The following LINC00237 variants were observed in gnomAD, a reference collection of about 807,000 sequenced individuals.
The protein encoded by LINC00237 is long intergenic non-protein coding RNA 237.
chr20:21,094,686 G>C (rs1299209721), intron 1 of LINC00237, among the ~76,000 whole-genome samples: 1 of 152,184 alleles, frequency 6.6e-6, no homozygotes, highest in Non-Finnish European at 1.5e-5. Context: ...GTCCTAATTG[G>C]AGGCTGAAGT....
chr20:21,101,889 T>G lies in LINC00237; in HGVS notation n.88+4382A>C, dbSNP rs1325047533. 2.7e-5 allele frequency among the ~76,000 whole-genome samples: 4 copies of G among 149,160 alleles called. No homozygotes were observed. Among genetic ancestry groups the G allele is most frequent in the African/African-American group, 7.4e-5 (3 of 40,272 alleles). On this transcript the variant is annotated intron_variant and non_coding_transcript_variant, in intron 1 of 3. Coordinates refer to ENST00000691244, the Ensembl canonical transcript of LINC00237. The surrounding 1 kb of genome is among the most constrained non-coding windows in gnomAD (Gnocchi z 4.3). ...CACGCGGGGGTGGTTGGGGGCGGAG[T>G]GCGGCGAGGGGTGAGGGCGCGACCG... is the stretch of plus-strand genomic sequence containing the variant.
intron 1 of LINC00237, among the ~76,000 whole-genome samples, chr20:21,100,046 TA>T (rs1291076348): frequency 6.6e-6 from 1 of 152,256 alleles, no homozygotes; most frequent in Non-Finnish European, 1.5e-5. Flanking sequence ...GCCTATCAAT[TA>T]CCCCGCCCGC....
chr20:21,100,028 C>G (rs565418191), intron 1 of LINC00237, among the ~76,000 whole-genome samples: 1 of 152,310 alleles, frequency 6.6e-6, no homozygotes, highest in Admixed American at 6.5e-5. Flanking sequence ...ATTCTGACCT[C>G]CGATGGCGCC....
chr20:21,086,963 T>C (rs1237031155), intron 3 of LINC00237, among the ~76,000 whole-genome samples: 1 of 142,012 alleles, frequency 7.0e-6, no homozygotes, highest in Admixed American at 7.2e-5. Context: ...TACTATAGTA[T>C]ATATATACAC....
intron 3 of LINC00237, among the ~76,000 whole-genome samples, chr20:21,086,712 C>CT (rs2030709906): frequency 9.8e-5 from 1 of 10,212 alleles, no homozygotes; most frequent in African/African-American, 3.4e-4. Context: ...ACTATATATA[C>CT]ATATATACTA....
Position 21,086,996 on chromosome 20 carries a change from T to C in LINC00237, n.559+948A>G, listed in dbSNP as rs553701227. On this transcript the variant is annotated intron_variant and non_coding_transcript_variant, in intron 3 of 3. Transcript: ENST00000691244. ...CACTCTATATGTACTATAGTACATA[T>C]ATAGTACATATATAGTATATATGTA... Among the ~76,000 whole-genome samples the C allele has an allele frequency of 1.4e-3, 202 of 141,056 alleles. 1 individual carries two copies. Among genetic ancestry groups the C allele is most frequent in the African/African-American group, 5.3e-3 (194 of 36,912 alleles). The allele number at this position is 141,056 out of a possible 152,430, so 92.5% of individuals were successfully genotyped here.
intron 3 of LINC00237, among the ~76,000 whole-genome samples, chr20:21,086,476 T>C (rs915044560): frequency 6.7e-6 from 1 of 149,766 alleles, no homozygotes; most frequent in African/African-American, 2.5e-5. Flanking sequence ...TATATACGTA[T>C]AGATATGTAT....
intron 2 of LINC00237, among the ~76,000 whole-genome samples, chr20:21,088,617 A>C (rs1227266963): frequency 2.0e-5 from 3 of 151,760 alleles, no homozygotes; most frequent in Non-Finnish European, 4.4e-5. Context: ...AACACAGCAT[A>C]ACTTTCTTTA....
chr20:21,086,011 A>T (rs1244433355), intron 3 of LINC00237, among the ~76,000 whole-genome samples: 1 of 152,210 alleles, frequency 6.6e-6, no homozygotes, highest in African/African-American at 2.4e-5. Context: ...GAAGCTGCAC[A>T]CGCAGTGCAT....
intron 2 of LINC00237, among the ~76,000 whole-genome samples, chr20:21,091,031 C>A (rs1400537456): frequency 6.6e-6 from 1 of 151,658 alleles, no homozygotes; most frequent in African/African-American, 2.4e-5. Context: ...ATTAGCCTGT[C>A]AGTGTGTAAA....
At chr20:21,102,107 A>G (rs1359809248) in intron 1 of LINC00237, among the ~76,000 whole-genome samples, 1 of 152,246 alleles carries the variant, frequency 6.6e-6, no homozygotes, top group African/African-American at 2.4e-5. Flanking sequence ...TTTTGCTTTA[A>G]GTATACTTGG....
chr20:21,092,000 T>C (rs2030799785), intron 2 of LINC00237, among the ~76,000 whole-genome samples: 1 of 152,358 alleles, frequency 6.6e-6, no homozygotes, highest in South Asian at 2.1e-4. Flanking sequence ...CTTTTGGTTC[T>C]TTCCAAAATC....
chr20:21,085,984 G>A (rs1015136348), intron 3 of LINC00237, among the ~76,000 whole-genome samples: 1 of 152,188 alleles, frequency 6.6e-6, no homozygotes, highest in African/African-American at 2.4e-5. Context: ...GGGGTGACGT[G>A]GAGATTAGCC....
intron 3 of LINC00237, among the ~76,000 whole-genome samples, chr20:21,086,435 T>A (rs1416650658): frequency 6.6e-6 from 1 of 151,142 alleles, no homozygotes; most frequent in African/African-American, 2.4e-5. Context: ...CTTTCCAGAC[T>A]ATTAGCTATA....
chr20:21,102,702 A>C (rs1414923984), intron 1 of LINC00237, among the ~76,000 whole-genome samples: 1 of 151,750 alleles, frequency 6.6e-6, no homozygotes, highest in African/African-American at 2.4e-5. Context: ...ATAAGAAAAA[A>C]AAAAAAAAAA....
At chr20:21,089,085 T>C (rs759613947) in intron 2 of LINC00237, among the ~76,000 whole-genome samples, 2 of 151,800 alleles carry the variant, frequency 1.3e-5, no homozygotes, top group Non-Finnish European at 2.9e-5. Context: ...GGAGTAGGTG[T>C]GCCCGTGTAT....
At chr20:21,086,528 T>A (rs2030696436) in intron 3 of LINC00237, among the ~76,000 whole-genome samples, 1 of 144,244 alleles carries the variant, frequency 6.9e-6, no homozygotes, top group African/African-American at 2.5e-5. Flanking sequence ...TAGATACATA[T>A]CTATATATGG....
At chr20:21,100,030 G>C (rs906332254) in intron 1 of LINC00237, among the ~76,000 whole-genome samples, 19 of 152,122 alleles carry the variant, frequency 1.2e-4, no homozygotes, top group African/African-American at 4.3e-4. Context: ...TCTGACCTCC[G>C]ATGGCGCCTA....
At chr20:21,089,426 A>G (rs1315471787) in intron 2 of LINC00237, among the ~76,000 whole-genome samples, 1 of 151,690 alleles carries the variant, frequency 6.6e-6, no homozygotes, top group Non-Finnish European at 1.5e-5. Flanking sequence ...TCAAAACCTC[A>G]CTTCTGGTAG....
Sources: allele counts gnomAD v4.1 joint callset (sites outside exome capture counted in the v4.1 genomes callset), GRCh38; gene constraint gnomAD v4.1.1; non-coding constraint Gnocchi (gnomAD v3.1); transcripts MANE v1.5; gene names NCBI Gene and HGNC (gene_info 2026-07-23, HGNC 2026-07-21).